Variants in GRAMD1B observed in about 807,000 individuals in gnomAD.
GRAMD1B encodes protein Aster-B.
Under a neutral mutation model 99.7 loss-of-function variants are expected in GRAMD1B, and 37 were observed. The ratio of observed to expected loss-of-function variants is 0.37; its 90% CI spans 0.29 to 0.49. The LOEUF (loss-of-function observed/expected upper bound fraction) is 0.49, where lower values mean the gene tolerates loss of function less well. Ranked by LOEUF, GRAMD1B falls within the 20% of genes least tolerant of loss-of-function variation. The pLI is 0.98. For missense variants in GRAMD1B, 888 were observed against 1,009.2 expected (o/e 0.88, Z 1.63); for synonymous variants, 427 against 387.6 (o/e 1.10, Z -1.19).
intron 1 of GRAMD1B, among the ~76,000 whole-genome samples, chr11:123,383,958 C>G (rs961088517): frequency 1.3e-5 from 2 of 152,102 alleles, no homozygotes; most frequent in Non-Finnish European, 2.9e-5. Context: ...GCAACCTCCA[C>G]CTCCTGGGTT....
chr11:123,391,247 C>G (rs1466123677), intron 1 of GRAMD1B, among the ~76,000 whole-genome samples: 1 of 152,170 alleles, frequency 6.6e-6, no homozygotes, highest in East Asian at 1.9e-4. Context: ...GATGAGAGCT[C>G]TTGCAACTTC....
chr11:123,551,723 C>T (rs1234823014), intron 2 of GRAMD1B, among the ~76,000 whole-genome samples: 1 of 152,112 alleles, frequency 6.6e-6, no homozygotes, highest in Non-Finnish European at 1.5e-5. Flanking sequence ...GTCCCCAGCC[C>T]CATTTGTAGC....
chr11:123,589,986 C>G (rs1592161076), intron 4 of GRAMD1B, among the ~76,000 whole-genome samples: 1 of 152,270 alleles, frequency 6.6e-6, no homozygotes, highest in East Asian at 1.9e-4. Flanking sequence ...TTCCCCACCC[C>G]ACTGCTGTCT....
intron 1 of GRAMD1B, among the ~76,000 whole-genome samples, chr11:123,376,893 T>C (rs1455796031): frequency 6.6e-6 from 1 of 152,184 alleles, no homozygotes; most frequent in Admixed American, 6.5e-5. Flanking sequence ...CCATGGGCTT[T>C]TGGAAACCTC....
intron 2 of GRAMD1B, chr11:123,509,930 T>A (rs554371300): frequency 6.6e-6 from 1 of 152,444 alleles, no homozygotes; most frequent in African/African-American, 2.4e-5. Flanking sequence ...GCTGCTCTCA[T>A]GTACCTTTAG....
chr11:123,588,910 TA>T (rs1950337959), intron 4 of GRAMD1B, among the ~76,000 whole-genome samples: 1 of 152,094 alleles, frequency 6.6e-6, no homozygotes, highest in Non-Finnish European at 1.5e-5. Flanking sequence ...AATATTTGCA[TA>T]TATATATAAT....
At chr11:123,452,261 C>G (rs1292241373) in intron 1 of GRAMD1B, among the ~76,000 whole-genome samples, 1 of 152,200 alleles carries the variant, frequency 6.6e-6, no homozygotes, top group South Asian at 2.1e-4. Flanking sequence ...AAAAATGTGA[C>G]AAGTGCATCT....
At chr11:123,413,054 T>A (rs901972429) in intron 1 of GRAMD1B, among the ~76,000 whole-genome samples, 2 of 152,212 alleles carry the variant, frequency 1.3e-5, no homozygotes, top group Non-Finnish European at 2.9e-5. Context: ...AGTGCTGGGA[T>A]TACAGGCGTG....
At chr11:123,397,712 T>C (rs1947515750) in intron 1 of GRAMD1B, among the ~76,000 whole-genome samples, 1 of 152,174 alleles carries the variant, frequency 6.6e-6, no homozygotes, top group South Asian at 2.1e-4. Context: ...TCTTGCTATG[T>C]AGCCCAGGCT....
intron 2 of GRAMD1B, among the ~76,000 whole-genome samples, chr11:123,523,792 G>A (rs1391174881): frequency 6.6e-6 from 1 of 152,172 alleles, no homozygotes; most frequent in African/African-American, 2.4e-5. Context: ...ACAACTCTTT[G>A]TACTTCTGGA....
chr11:123,608,442 G>A (rs1148088), intron 11 of GRAMD1B: 629,184 of 1,456,756 alleles, frequency 0.43, 139,045 homozygotes, highest in South Asian at 0.54. Context: ...GGTAGTGTCA[G>A]CTAAAGGAAA....
At chr11:123,522,002 C>T (rs1464195181) in intron 2 of GRAMD1B, among the ~76,000 whole-genome samples, 2 of 152,002 alleles carry the variant, frequency 1.3e-5, no homozygotes, top group Non-Finnish European at 2.9e-5. Flanking sequence ...TGCCATATTG[C>T]CAGATATGGA....
At chr11:123,601,981 A>G (rs1952043039) in intron 8 of GRAMD1B, among the ~76,000 whole-genome samples, 1 of 152,258 alleles carries the variant, frequency 6.6e-6, no homozygotes, top group African/African-American at 2.4e-5. Flanking sequence ...AGGGTGGAGC[A>G]GGGCAGTATA....
chr11:123,455,314 C>G (rs1950066192), intron 1 of GRAMD1B, among the ~76,000 whole-genome samples: 1 of 152,044 alleles, frequency 6.6e-6, no homozygotes, highest in Non-Finnish European at 1.5e-5. Flanking sequence ...GAGGGTCTTA[C>G]TATGTTGTCC....
chr11:123,623,289 A>G lies in GRAMD1B; in HGVS notation c.*694A>G, dbSNP rs1955318136. On this transcript the variant is annotated 3_prime_UTR_variant, in exon 20 of 20. Transcript: ENST00000635736. The stretch of plus-strand genomic sequence containing the variant: ...TTCCTCCGACCTGTGTAGGGTGTGG[A>G]CCCAGTAAGGGCTGGGAATTTCTTA... 6.6e-6 allele frequency: 1 copy of G among 151,950 alleles called. No individual in the cohort carries two copies. 9.4% of individuals were successfully genotyped at this position (151,950 alleles called of 1,614,324 possible).
chr11:123,522,799 C>T (rs1211963454), intron 2 of GRAMD1B, among the ~76,000 whole-genome samples: 1 of 152,212 alleles, frequency 6.6e-6, no homozygotes, highest in African/African-American at 2.4e-5. Flanking sequence ...ACACTCAAGC[C>T]AGCCAACTCA....
intron 1 of GRAMD1B, among the ~76,000 whole-genome samples, chr11:123,386,770 A>C (rs1591400626): frequency 1.3e-5 from 2 of 152,276 alleles, no homozygotes; most frequent in East Asian, 3.9e-4. Context: ...TTCTTCCTTA[A>C]AAAACAGAAA....
chr11:123,567,725 G>T (rs1171115988), intron 2 of GRAMD1B, among the ~76,000 whole-genome samples: 1 of 152,160 alleles, frequency 6.6e-6, no homozygotes, highest in Non-Finnish European at 1.5e-5. Flanking sequence ...GCAGGGGGGA[G>T]TGGGATGGAT....
upstream of GRAMD1B, among the ~76,000 whole-genome samples, chr11:123,430,039 C>T (rs79460025): frequency 7.0e-3 from 1,061 of 152,122 alleles, 20 homozygotes; most frequent in East Asian, 0.058. Flanking sequence ...TGGGAGTTGC[C>T]TGGCCAATCG....
Sources: gnomAD v4.1 joint callset for allele counts (sites outside exome capture counted in the v4.1 genomes callset) on GRCh38, gnomAD v4.1.1 for gene constraint, MANE v1.5 for transcripts, NCBI Gene and HGNC (gene_info 2026-07-23, HGNC 2026-07-21) for gene names.